SLC25A48: variants seen among roughly 807,000 people sequenced by gnomAD.
SLC25A48 encodes the protein CTC-321K16.1.
A neutral mutation model predicts 32.2 loss-of-function variants in SLC25A48; 29 were observed. That is an observed-to-expected ratio of 0.90 (90% CI 0.67 to 1.23). SLC25A48 has a LOEUF of 1.23. Ranked by LOEUF, SLC25A48 falls within the 50% of genes most tolerant of loss-of-function variation. SLC25A48 has a pLI of 0.00. For missense variants in SLC25A48, 399 were observed against 422.7 expected, an observed-to-expected ratio of 0.94 and a Z score of 0.49; for synonymous variants, 164 against 172.3, an observed-to-expected ratio of 0.95 and a Z score of 0.38.
At chr5:135,860,850 A>G (rs1760721424) in intron 4 of SLC25A48, among the ~76,000 whole-genome samples, 1 of 152,196 alleles carries the variant, frequency 6.6e-6, no homozygotes, top group Non-Finnish European at 1.5e-5. Flanking sequence ...GACAGCACTC[A>G]CATACGGAAG....
chr5:135,780,333 G>A (rs1316840654), intron 3 of SLC25A48, among the ~76,000 whole-genome samples: 3 of 115,718 alleles, frequency 2.6e-5, no homozygotes, highest in East Asian at 2.2e-4. Flanking sequence ...TGATCCGCCC[G>A]CCTCGGCCTC....
At chr5:135,772,021 T>A (rs1241190749) in intron 3 of SLC25A48, among the ~76,000 whole-genome samples, 1 of 151,470 alleles carries the variant, frequency 6.6e-6, no homozygotes, top group Non-Finnish European at 1.5e-5. Context: ...TATGATATTG[T>A]TCATAATATT....
rs1007196167 is a variant in SLC25A48, at chr5:135,871,572, A to T, written c.533A>T (p.Tyr178Phe). ...AGGAATGAGGGCCTGGCGGGGCTATACCGGGGGGCCAGTGCCATGCTGCTG... is the reference window on the plus strand; with the variant it reads ...AGGAATGAGGGCCTGGCGGGGCTATTCCGGGGGGCCAGTGCCATGCTGCTG... ...IVRNEGLAGL[Y>F]RGASAMLLRD... The change falls in exon 5 of 8, where the codon TAC (tyrosine) becomes TTC (phenylalanine). Residue 178 changes from tyrosine (Y) to phenylalanine (F), a missense_variant. Physicochemically the swap from Tyr to Phe is conservative, Grantham distance 22 (BLOSUM62 3). Coordinates refer to ENST00000681962, the MANE Select transcript of SLC25A48 (RefSeq NM_001349336.2). 6.2e-7 allele frequency: 1 copy of T among 1,614,136 alleles called. No homozygotes were observed. The highest frequency in any genetic ancestry group is 2.2e-5 in the East Asian group (1 of 44,872).
chr5:135,696,795 C>T (rs893529331), intron 3 of SLC25A48, among the ~76,000 whole-genome samples: 13 of 152,212 alleles, frequency 8.5e-5, no homozygotes, highest in Non-Finnish European at 1.6e-4. Context: ...TGGGAAGCAG[C>T]TCCAGCCAAG....
Position 135,843,705 on chromosome 5 carries a change from G to C in SLC25A48, c.90+1246G>C, listed in dbSNP as rs1759190856. ...CTGAGGTCAGAGTGCTATTCACAGAGGGACAAGCTAGTGCAAAGCCCCAAG... is the reference window on the plus strand; with the variant it reads ...CTGAGGTCAGAGTGCTATTCACAGACGGACAAGCTAGTGCAAAGCCCCAAG... On this transcript the variant is annotated intron_variant, in intron 2 of 7. Transcript: ENST00000681962. Among the ~76,000 whole-genome samples the C allele has an allele frequency of 2.0e-5, 3 of 152,230 alleles. No individual in the cohort carries two copies. The South Asian group carries it at 6.2e-4, about 32-fold the overall frequency.
At chr5:135,878,588 G>T (rs1204447292) in intron 6 of SLC25A48, among the ~76,000 whole-genome samples, 1 of 152,090 alleles carries the variant, frequency 6.6e-6, no homozygotes, top group African/African-American at 2.4e-5. Context: ...TGAGGTGCTG[G>T]CACCTCTCCT....
intron 3 of SLC25A48, among the ~76,000 whole-genome samples, chr5:135,797,754 A>C (rs76619818): frequency 0.016 from 2,397 of 151,710 alleles, 68 homozygotes; most frequent in African/African-American, 0.054. Flanking sequence ...TTTCCAGGGG[A>C]AGAGAGGATG....
rs769923412 is a variant in SLC25A48, at chr5:135,765,671, G to A, written c.-520-46852G>A. Among the ~76,000 whole-genome samples the A allele has an allele frequency of 1.1e-4, 17 of 151,396 alleles. 1 individual carries two copies. The highest frequency in any genetic ancestry group is 6.9e-3 in the Middle Eastern group (2 of 290). On this transcript the variant is annotated intron_variant, in intron 3 of 10. Coordinates refer to the SLC25A48 transcript ENST00000646290. ...TATTTCTCCCCATGTCTCTGGGGGC[G>A]TACACCACCCTGTAATATCTTAAGG...
At chr5:135,708,094 G>A (rs1754564298) in intron 3 of SLC25A48, among the ~76,000 whole-genome samples, 1 of 152,116 alleles carries the variant, frequency 6.6e-6, no homozygotes, top group Admixed American at 6.5e-5. Flanking sequence ...ACATGCACCC[G>A]CCAGCCTTCC....
intron 3 of SLC25A48, among the ~76,000 whole-genome samples, chr5:135,758,874 CATT>C (rs1172948616): frequency 1.3e-5 from 2 of 150,380 alleles, no homozygotes; most frequent in African/African-American, 2.4e-5. Flanking sequence ...AACATTAACA[CATT>C]ATGATATTAA....
intron 3 of SLC25A48, among the ~76,000 whole-genome samples, chr5:135,744,164 C>T (rs1370406783): frequency 1.3e-5 from 2 of 152,178 alleles, no homozygotes; most frequent in Admixed American, 6.5e-5. Flanking sequence ...TGCACTTTTT[C>T]CTGCATGCTT....
At chr5:135,615,984 G>A (rs1250745170) in intron 1 of SLC25A48, among the ~76,000 whole-genome samples, 1 of 152,254 alleles carries the variant, frequency 6.6e-6, no homozygotes, top group Non-Finnish European at 1.5e-5. Flanking sequence ...TTCAGAAGGT[G>A]CAAACCATAA....
chr5:135,696,453 G>C (rs957713080), intron 3 of SLC25A48, among the ~76,000 whole-genome samples: 58 of 152,202 alleles, frequency 3.8e-4, no homozygotes, highest in African/African-American at 1.1e-3. Context: ...GACAGTCCTG[G>C]CAGTGAATTC....
At chr5:135,848,283 A>C (rs1181486029) in intron 2 of SLC25A48, among the ~76,000 whole-genome samples, 1 of 152,190 alleles carries the variant, frequency 6.6e-6, no homozygotes, top group African/African-American at 2.4e-5. Context: ...GGTGGCAGTC[A>C]GCCATTTGTG....
intron 3 of SLC25A48, among the ~76,000 whole-genome samples, chr5:135,766,829 A>AAAG (rs1756245269): frequency 6.6e-6 from 1 of 150,992 alleles, no homozygotes; most frequent in Admixed American, 6.6e-5. Context: ...AGTGTACACC[A>AAAG]TCTTGCGATA....
chr5:135,772,840 G>A (rs1049559757), intron 3 of SLC25A48, among the ~76,000 whole-genome samples: 3 of 150,594 alleles, frequency 2.0e-5, no homozygotes, highest in East Asian at 3.9e-4. Context: ...TCAGAATAAC[G>A]AAGAAAAAAG....
At chr5:135,753,981 T>G (rs1024138392) in intron 3 of SLC25A48, among the ~76,000 whole-genome samples, 1 of 151,962 alleles carries the variant, frequency 6.6e-6, no homozygotes, top group African/African-American at 2.4e-5. Context: ...TTTTTATGCA[T>G]GATATCACAG....
intron 2 of SLC25A48, among the ~76,000 whole-genome samples, chr5:135,634,264 G>A (rs1396260132): frequency 6.6e-6 from 1 of 152,234 alleles, no homozygotes; most frequent in Non-Finnish European, 1.5e-5. Context: ...CTGGCACAGG[G>A]TCCATCCTGC....
intron 3 of SLC25A48, among the ~76,000 whole-genome samples, chr5:135,668,161 CT>C (rs1239347939): frequency 6.6e-6 from 1 of 152,196 alleles, no homozygotes; most frequent in African/African-American, 2.4e-5. Context: ...AATTCCTAAT[CT>C]GGTGTTTAAA....
Sources: allele counts gnomAD v4.1 joint callset (sites outside exome capture counted in the v4.1 genomes callset), GRCh38; gene constraint gnomAD v4.1.1; transcripts MANE v1.5; gene names NCBI Gene and HGNC (gene_info 2026-07-23, HGNC 2026-07-21).